HEBP2: variants seen among roughly 807,000 people sequenced by gnomAD.
HEBP2 encodes the protein heme-binding protein 2.
HEBP2 carries 27 observed loss-of-function variants against 23.1 expected under a neutral mutation model. The ratio of observed to expected loss-of-function variants is 1.17; its 90% CI spans 0.86 to 1.61. HEBP2 has a LOEUF of 1.61. HEBP2 is among the 40% of genes most tolerant of loss of function. The probability of loss-of-function intolerance (pLI) is 0.00; values close to 1 mark genes in which losing one functional copy is unlikely to be tolerated. For synonymous variants in HEBP2, 99 were observed against 95.1 expected (o/e 1.04, Z -0.24); for missense variants, 245 against 253.8 (o/e 0.97, Z 0.24).
chr6:138,410,140 C>A (rs891195257), intron 3 of HEBP2, among the ~76,000 whole-genome samples: 1 of 152,176 alleles, frequency 6.6e-6, no homozygotes, highest in Non-Finnish European at 1.5e-5. Context: ...TATTCTTCTT[C>A]TTCTAAGTAA....
In HEBP2 at chr6:138,413,029, AT is replaced by A. The variant is rs772436623; in HGVS notation, c.570del (p.Asn190LysfsTer5). On this transcript the variant is annotated frameshift_variant, in exon 4 of 4. Transcript: ENST00000607197. LOFTEE classifies it high-confidence loss of function. ...NSPVKLLNRN[N>X]EVWLIQKNEP... is the part of the protein sequence containing the mutation. ...CCTGTCAAATTGCTTAATAGAAATA[AT>A]GAAGTGTGGTTGATTCAAAAAAATG... is the stretch of plus-strand genomic sequence containing the variant. The A allele has an allele frequency of 1.2e-6, 2 of 1,614,066 alleles. No homozygotes were observed. Among genetic ancestry groups the A allele is most frequent in the Non-Finnish European group, 1.7e-6 (2 of 1,179,990 alleles).
At chr6:138,406,172 A>G (rs143702406) in intron 3 of HEBP2, 21 bp downstream of exon 3, 4 of 1,606,634 alleles carry the variant, frequency 2.5e-6, no homozygotes, top group Non-Finnish European at 3.4e-6. Context: ...GATAATTTAT[A>G]GCCTTGCTGA....
rs1774831543 is a variant in HEBP2, at chr6:138,415,756, G to A, written c.*2678G>A. 1 of 152,094 alleles carries A rather than the reference G, an allele frequency of 6.6e-6. No individual in the cohort carries two copies. Among genetic ancestry groups the A allele is most frequent in the African/African-American group, 2.4e-5 (1 of 41,420 alleles). 9.4% of individuals were successfully genotyped at this position (152,094 alleles called of 1,614,324 possible). On this transcript the variant is annotated 3_prime_UTR_variant, in exon 4 of 4. Coordinates refer to ENST00000607197, the MANE Select transcript of HEBP2 (RefSeq NM_014320.3). Reference sequence around the variant, plus strand: ...TTAGATCAAGGTTGGAATCAAACTTGGGATCCCAAAACATGGGATGGGAGC... The same window carrying A: ...TTAGATCAAGGTTGGAATCAAACTTAGGATCCCAAAACATGGGATGGGAGC...
Position 138,406,014 on chromosome 6 carries a change from G to T in HEBP2, c.282G>T (p.Glu94Asp), listed in dbSNP as rs1427738575. ...KMTAPVTSYV[E>D]PGSGPFSEST... Reference sequence around the variant, plus strand: ...CAGCTCCAGTGACAAGCTACGTGGAGCCTGGTTCAGGTCCTTTTAGTGAGT... The same window carrying T: ...CAGCTCCAGTGACAAGCTACGTGGATCCTGGTTCAGGTCCTTTTAGTGAGT... The change falls in exon 3 of 4, where the codon GAG becomes GAT. Residue 94 changes from glutamate (E) to aspartate (D), a missense_variant. By Grantham distance (45) the Glu-to-Asp change is conservative. Coordinates refer to ENST00000607197, the MANE Select transcript of HEBP2 (RefSeq NM_014320.3). 5.0e-6 allele frequency: 8 copies of T among 1,614,060 alleles called. No individual in the cohort carries two copies. In the East Asian group the frequency reaches 6.7e-5, roughly 13 times the overall value.
At position 138,412,898 on chromosome 6, in the gene HEBP2, T is replaced by C. The variant is rs1774773423; in HGVS notation, c.438T>C (p.Ser146=). The change falls in exon 4 of 4, where the codon TCT becomes TCC. Residue 146 remains serine (S), a synonymous_variant. Coordinates refer to ENST00000607197, the MANE Select transcript of HEBP2 (RefSeq NM_014320.3). ...TTTGTAGGTCTTTCGATGGATTTTC[T>C]AGTGCCCAAAAGAATCAAGAACAAC... ...TVFVRSFDGF[S]SAQKNQEQLL... 6.2e-7 allele frequency: 1 copy of C among 1,613,734 alleles called. No homozygotes were observed. Among genetic ancestry groups the C allele is most frequent in the African/African-American group, 1.3e-5 (1 of 74,944 alleles).
chr6:138,405,993 T>C lies in HEBP2; in HGVS notation c.261T>C (p.Ala87=), dbSNP rs764848858. 11 of 1,612,904 alleles carry C rather than the reference T, an allele frequency of 6.8e-6. No homozygotes were observed. The highest frequency in any genetic ancestry group is 4.0e-5 in the African/African-American group (3 of 74,904). Residue 87 remains alanine (A), a synonymous_variant, in exon 3 of 4, where the codon GCT becomes GCC. Transcript: ENST00000607197. ...NEKEMKIKMT[A]PVTSYVEPGS... is the part of the protein sequence containing the mutation. ...CAGAGATGAAAATAAAGATGACAGC[T>C]CCAGTGACAAGCTACGTGGAGCCTG...
At chr6:138,408,516 T>C (rs1216674294) in intron 3 of HEBP2, among the ~76,000 whole-genome samples, 2 of 152,032 alleles carry the variant, frequency 1.3e-5, no homozygotes, top group Non-Finnish European at 2.9e-5. Flanking sequence ...TTACCGCAAA[T>C]CACCATGATC....
chr6:138,408,227 A>C (rs1436405446), intron 3 of HEBP2, among the ~76,000 whole-genome samples: 4 of 152,198 alleles, frequency 2.6e-5, no homozygotes, highest in Non-Finnish European at 5.9e-5. Flanking sequence ...AGAATTTTCC[A>C]GATGTTTAAG....
rs780090290 is a variant in HEBP2 at position 138,413,002 on chromosome 6, G to A, written c.542G>A (p.Ser181Asn). 3 of 1,614,066 alleles carry A rather than the reference G, an allele frequency of 1.9e-6. No individual in the cohort carries two copies. Among genetic ancestry groups the A allele is most frequent in the Non-Finnish European group, 2.5e-6 (3 of 1,179,972 alleles). ...EKVYYTAGYN[S>N]PVKLLNRNNE... ...GTTTACTACACTGCAGGCTACAACA[G>A]TCCTGTCAAATTGCTTAATAGAAAT... Residue 181 changes from serine to asparagine, a missense_variant, in exon 4 of 4, where the codon AGT becomes AAT. Coordinates refer to ENST00000607197, the MANE Select transcript of HEBP2 (RefSeq NM_014320.3).
At position 138,416,169 on chromosome 6, in the gene HEBP2, A is replaced by G. The variant is rs1480728358; in HGVS notation, c.*3091A>G. 6.6e-6 allele frequency: 1 copy of G among 152,282 alleles called. No homozygotes were observed. Among genetic ancestry groups the G allele is most frequent in the Non-Finnish European group, 1.5e-5 (1 of 68,134 alleles). The allele number at this position is 152,282 out of a possible 1,614,324, so 9.4% of individuals were successfully genotyped here. A position where few individuals can be genotyped will look rare whatever the true frequency, so the allele number is the denominator to read the frequency against. On this transcript the variant is annotated 3_prime_UTR_variant, in exon 4 of 4. Coordinates refer to ENST00000607197, the MANE Select transcript of HEBP2 (RefSeq NM_014320.3). ...GCTTGGTCAAAGGGGCTGGGTTTAT[A>G]CAACTAGATAAAGGAGAGGGTATAT...
At chr6:138,404,620 A>G in intron 1 of HEBP2, 23 bp downstream of exon 1, 2 of 1,254,108 alleles carry the variant, frequency 1.6e-6, no homozygotes, top group Admixed American at 4.2e-5. Context: ...TCGGGAGCGG[A>G]GGGGCTGGGC....
At chr6:138,410,864 C>T (rs913375110) in intron 3 of HEBP2, among the ~76,000 whole-genome samples, 3 of 152,224 alleles carry the variant, frequency 2.0e-5, no homozygotes, top group Admixed American at 2.0e-4. Context: ...TATATCAACT[C>T]ACCTGCAGTG....
chr6:138,405,570 C>T (rs1472780179), intron 2 of HEBP2, among the ~76,000 whole-genome samples: 1 of 152,154 alleles, frequency 6.6e-6, no homozygotes, highest in Non-Finnish European at 1.5e-5. Flanking sequence ...GGATCAGAGA[C>T]GTCAGGAGGC....
chr6:138,421,298 C>A lies in HEBP2; in HGVS notation c.*8220C>A, dbSNP rs536987749. 6.6e-6 allele frequency: 1 copy of A among 152,276 alleles called. No individual in the cohort carries two copies. Among genetic ancestry groups the A allele is most frequent in the South Asian group, 2.1e-4 (1 of 4,812 alleles). 9.4% of individuals were successfully genotyped at this position (152,276 alleles called of 1,614,324 possible). On this transcript the variant is annotated 3_prime_UTR_variant, in exon 4 of 4. Coordinates refer to ENST00000607197, the MANE Select transcript of HEBP2 (RefSeq NM_014320.3). ...TTCCCCTCTCCTCCTAAGATGCCAC[C>A]ACAGAGCAGGGTGCCAGTGGTGGGT...
Position 138,420,690 on chromosome 6 carries a change from G to A in HEBP2, c.*7612G>A, listed in dbSNP as rs1306303641. The A allele has an allele frequency of 1.3e-5, 2 of 152,226 alleles. No homozygotes were observed. Among genetic ancestry groups the A allele is most frequent in the African/African-American group, 4.8e-5 (2 of 41,448 alleles). The allele number at this position is 152,226 out of a possible 1,614,324, so 9.4% of individuals were successfully genotyped here. The stretch of plus-strand genomic sequence containing the variant: ...AAGGCCATGGTACAAGGACCTAACT[G>A]TTTCAGTCCAACACAGGACTCCTCC... On this transcript the variant is annotated 3_prime_UTR_variant, in exon 4 of 4. Transcript: ENST00000607197.
At position 138,411,679 on chromosome 6, in the gene HEBP2, C is replaced by T. The variant is rs184182669; in HGVS notation, c.420-1201C>T. Among the ~76,000 whole-genome samples, 10 of 152,304 alleles carry T rather than the reference C, an allele frequency of 6.6e-5. No homozygotes were observed. In the East Asian group the frequency reaches 1.2e-3, roughly 18 times the overall value. ...CCTGTTTAAAACCCTTCTCAGAGGC[C>T]GGGCGTGGTGGCTTATGCCTATAAT... On this transcript the variant is annotated intron_variant, in intron 3 of 3. Transcript: ENST00000607197.
At chr6:138,404,676 T>G (rs1583100880) in intron 1 of HEBP2, 79 bp downstream of exon 1, 1 of 943,322 alleles carries the variant, frequency 1.1e-6, no homozygotes, top group East Asian at 3.3e-5. Context: ...TCCCATAGAG[T>G]TAAGTAAAAA....
intron 3 of HEBP2, among the ~76,000 whole-genome samples, chr6:138,411,214 G>A (rs570177761): frequency 1.2e-4 from 19 of 152,254 alleles, no homozygotes; most frequent in Admixed American, 1.3e-4. Flanking sequence ...GGATGTTTTT[G>A]TTTATATACT....
Position 138,415,330 on chromosome 6 carries a change from C to T in HEBP2, c.*2252C>T, listed in dbSNP as rs920221700. On this transcript the variant is annotated 3_prime_UTR_variant, in exon 4 of 4. Coordinates refer to ENST00000607197, the MANE Select transcript of HEBP2 (RefSeq NM_014320.3). Reference sequence around the variant, plus strand: ...TGAGTGACTCACTGTCTGGCTGGCTCGGAGGCCCCCATCCCTGGTGGATAG... The same window carrying T: ...TGAGTGACTCACTGTCTGGCTGGCTTGGAGGCCCCCATCCCTGGTGGATAG... The T allele has an allele frequency of 6.6e-6, 1 of 152,118 alleles. No homozygotes were observed. The highest frequency in any genetic ancestry group is 2.4e-5 in the African/African-American group (1 of 41,402). 9.4% of individuals were successfully genotyped at this position (152,118 alleles called of 1,614,324 possible).
Sources: gnomAD v4.1 joint callset for allele counts (sites outside exome capture counted in the v4.1 genomes callset) on GRCh38, gnomAD v4.1.1 for gene constraint, MANE v1.5 for transcripts, NCBI Gene and HGNC (gene_info 2026-07-23, HGNC 2026-07-21) for gene names.